The following OR2T12 variants were observed in gnomAD, a reference collection of about 807,000 sequenced individuals.
OR2T12 encodes olfactory receptor family 2 subfamily T member 12.
For missense variants in OR2T12, 335 were observed against 404.3 expected, an observed-to-expected ratio of 0.83 and a Z score of 1.47; for synonymous variants, 127 against 160.5, an observed-to-expected ratio of 0.79 and a Z score of 1.58.
rs764836025 is a variant in OR2T12, at chr1:248,295,220, C to G, written c.359G>C (p.Arg120Pro). 1.2e-6 allele frequency: 2 copies of G among 1,609,336 alleles called. No homozygotes were observed. Among genetic ancestry groups the G allele is most frequent in the Non-Finnish European group, 1.7e-6 (2 of 1,178,802 alleles). The change falls in exon 3 of 3, where the codon CGC becomes CCC. Residue 120 changes from arginine to proline, a missense_variant. By Grantham distance (103) the Arg-to-Pro change is moderately radical (BLOSUM62 -2). Coordinates refer to ENST00000641276, the MANE Select transcript of OR2T12 (RefSeq NM_001004692.2). ...CFLLAAMAYDRYAAVCHPLRY... is the reference protein window; with the variant it reads ...CFLLAAMAYDPYAAVCHPLRY... ...GAGTGGGTGGCAGACAGCCGCATAG[C>G]GGTCATAGGCCATGGCTGCTAAGAG...
At chr1:248,301,851 T>A (rs1209865987) in intron 1 of OR2T12, among the ~76,000 whole-genome samples, 1 of 152,120 alleles carries the variant, frequency 6.6e-6, no homozygotes, top group African/African-American at 2.4e-5. Flanking sequence ...ACTGTGATAC[T>A]GTGCACATGC....
At chr1:248,295,968 A>G (rs1659719863) in intron 2 of OR2T12, among the ~76,000 whole-genome samples, 1 of 151,826 alleles carries the variant, frequency 6.6e-6, no homozygotes, top group Admixed American at 6.6e-5. Flanking sequence ...CTCCTCATCT[A>G]GCATTAGGTG....
chr1:248,296,265 T>C (rs2103038289), intron 2 of OR2T12, among the ~76,000 whole-genome samples: 1 of 152,300 alleles, frequency 6.6e-6, no homozygotes, highest in South Asian at 2.1e-4. Context: ...TGTTGGACAT[T>C]TGGGTTGGTT....
Sources: allele counts gnomAD v4.1 joint callset (sites outside exome capture counted in the v4.1 genomes callset), GRCh38; gene constraint gnomAD v4.1.1; transcripts MANE v1.5; gene names NCBI Gene and HGNC (gene_info 2026-07-23, HGNC 2026-07-21).